Variants in WDR7 observed in about 807,000 individuals in gnomAD.
WDR7 encodes WD repeat-containing protein 7.
A neutral mutation model predicts 169.4 loss-of-function variants in WDR7; 46 were observed. The observed-to-expected ratio is 0.27, with a 90% CI of 0.21 to 0.35. The LOEUF is 0.35. Ranked by LOEUF, WDR7 falls within the 10% of genes least tolerant of loss-of-function variation. The pLI is 1.00. For missense variants in WDR7, 1,534 were observed against 1,859.3 expected, an observed-to-expected ratio of 0.83 and a Z score of 3.22; for synonymous variants, 612 against 666.8, an observed-to-expected ratio of 0.92 and a Z score of 1.27.
intron 19 of WDR7, among the ~76,000 whole-genome samples, chr18:56,789,388 G>T (rs1433963948): frequency 6.6e-6 from 1 of 152,216 alleles, no homozygotes; most frequent in Non-Finnish European, 1.5e-5. Flanking sequence ...TATGTTAGGA[G>T]CTCCGCAGGA....
intron 26 of WDR7, among the ~76,000 whole-genome samples, 164 bp from the exon 27 acceptor site, chr18:57,020,581 C>T (rs1374588217): frequency 1.3e-5 from 2 of 152,168 alleles, no homozygotes; most frequent in African/African-American, 2.4e-5. Flanking sequence ...AATGAGAGAA[C>T]GTCTGTTGCT....
At chr18:56,972,119 G>C (rs973252181) in intron 26 of WDR7, among the ~76,000 whole-genome samples, 2 of 152,156 alleles carry the variant, frequency 1.3e-5, no homozygotes, top group African/African-American at 4.8e-5. Flanking sequence ...ATGAAAATGA[G>C]CCAATGTAAT....
chr18:56,860,146 T>C (rs1010445056), intron 20 of WDR7, among the ~76,000 whole-genome samples: 2 of 152,186 alleles, frequency 1.3e-5, no homozygotes, highest in Admixed American at 1.3e-4. Context: ...TCGCCTCTGC[T>C]GACTGGAAGC....
intron 26 of WDR7, among the ~76,000 whole-genome samples, chr18:56,984,254 A>G (rs1424514026): frequency 6.6e-6 from 1 of 152,184 alleles, no homozygotes; most frequent in African/African-American, 2.4e-5. Flanking sequence ...GAGAAATAAT[A>G]AATCAACATA....
At chr18:56,749,769 T>C (rs569478636) in intron 14 of WDR7, among the ~76,000 whole-genome samples, 1 of 152,076 alleles carries the variant, frequency 6.6e-6, no homozygotes, top group South Asian at 2.1e-4. Context: ...ATTGCCATTG[T>C]TTTACGTTTC....
chr18:56,895,559 A>G (rs559451049), intron 21 of WDR7, among the ~76,000 whole-genome samples: 1 of 151,930 alleles, frequency 6.6e-6, no homozygotes, highest in Non-Finnish European at 1.5e-5. Context: ...TAATAGTAAA[A>G]AAAAAACTCA....
chr18:56,962,285 A>G (rs2047348445), intron 25 of WDR7, 145 bp from the exon 26 acceptor site: 2 of 422,410 alleles, frequency 4.7e-6, no homozygotes, highest in East Asian at 7.0e-5. Flanking sequence ...TTGAAAAATC[A>G]TAATATATTT....
chr18:56,996,319 C>T (rs1247626919), intron 26 of WDR7, among the ~76,000 whole-genome samples: 1 of 152,024 alleles, frequency 6.6e-6, no homozygotes, highest in Non-Finnish European at 1.5e-5. Context: ...ATAAAGCATG[C>T]TCTTTTGTGC....
At chr18:56,979,670 A>C (rs564833686) in intron 26 of WDR7, among the ~76,000 whole-genome samples, 4 of 152,308 alleles carry the variant, frequency 2.6e-5, no homozygotes, top group Non-Finnish European at 4.4e-5. Context: ...GTATCCATCA[A>C]ATAATTTCTA....
intron 2 of WDR7, among the ~76,000 whole-genome samples, chr18:56,674,016 A>G (rs1431050556): frequency 1.3e-5 from 2 of 152,202 alleles, no homozygotes; most frequent in Non-Finnish European, 2.9e-5. Flanking sequence ...TGTAGCATGT[A>G]TCAGTACTTC....
chr18:57,017,507 G>A (rs187006893), intron 26 of WDR7, among the ~76,000 whole-genome samples: 4 of 151,310 alleles, frequency 2.6e-5, no homozygotes, highest in African/African-American at 9.7e-5. Context: ...GTGTGTGTGT[G>A]TGTGTGTGTG....
chr18:56,796,933 GA>G (rs1450464806), intron 19 of WDR7, among the ~76,000 whole-genome samples: 1 of 152,154 alleles, frequency 6.6e-6, no homozygotes, highest in African/African-American at 2.4e-5. Context: ...AGAGGAAAAA[GA>G]AATCAAACTG....
intron 22 of WDR7, among the ~76,000 whole-genome samples, 172 bp from the exon 23 acceptor site, chr18:56,935,616 T>C (rs2046948921): frequency 6.6e-6 from 1 of 152,228 alleles, no homozygotes; most frequent in South Asian, 2.1e-4. Context: ...TTGTATTTGA[T>C]GCCAGAACAC....
At chr18:56,914,554 C>G (rs919183238) in intron 21 of WDR7, among the ~76,000 whole-genome samples, 1 of 152,168 alleles carries the variant, frequency 6.6e-6, no homozygotes, top group African/African-American at 2.4e-5. Flanking sequence ...CTCCTTCCAT[C>G]TCTTTCGCTC....
chr18:56,722,359 T>C (rs903547647), intron 13 of WDR7, among the ~76,000 whole-genome samples: 29 of 152,190 alleles, frequency 1.9e-4, no homozygotes, highest in Admixed American at 1.7e-3. Flanking sequence ...TTGTTATTAG[T>C]GGAGGGTTTT....
intron 22 of WDR7, among the ~76,000 whole-genome samples, chr18:56,930,816 A>G (rs1568272740): frequency 6.6e-6 from 1 of 152,186 alleles, no homozygotes; most frequent in African/African-American, 2.4e-5. Context: ...GAAAGTTTAT[A>G]TGTCTCCTCC....
At chr18:56,949,918 T>TA (rs951801946) in intron 25 of WDR7, among the ~76,000 whole-genome samples, 2 of 152,234 alleles carry the variant, frequency 1.3e-5, no homozygotes, top group Non-Finnish European at 2.9e-5. Context: ...AGAAGCCAGA[T>TA]ACAGGCTTCC....
At chr18:56,843,354 C>T (rs1231365336) in intron 20 of WDR7, among the ~76,000 whole-genome samples, 1 of 152,146 alleles carries the variant, frequency 6.6e-6, no homozygotes, top group South Asian at 2.1e-4. Flanking sequence ...AACCTTATAC[C>T]CATTGAATGC....
chr18:56,738,897 T>C (rs1410841056), intron 14 of WDR7, among the ~76,000 whole-genome samples: 1 of 150,770 alleles, frequency 6.6e-6, no homozygotes, highest in African/African-American at 2.4e-5. Flanking sequence ...GTATTGAATG[T>C]TAACTCTTTT....
Sources: allele counts gnomAD v4.1 joint callset (sites outside exome capture counted in the v4.1 genomes callset), GRCh38; gene constraint gnomAD v4.1.1; transcripts MANE v1.5; gene names NCBI Gene and HGNC (gene_info 2026-07-23, HGNC 2026-07-21).